The following KDM3A variants were observed in gnomAD, a reference collection of about 807,000 sequenced individuals.
The protein encoded by KDM3A is lysine-specific demethylase 3A.
A neutral mutation model predicts 158.0 loss-of-function variants in KDM3A; 60 were observed. The observed-to-expected ratio is 0.38, with a 90% CI of 0.31 to 0.47. The LOEUF is 0.47. Among genes scored for constraint, KDM3A ranks in the 20% least tolerant of loss-of-function variants. The pLI is 0.99. For synonymous variants in KDM3A, 608 were observed against 549.3 expected (o/e 1.11, Z -1.49); for missense variants, 1,319 against 1,574.3 (o/e 0.84, Z 2.74).
chr2:86,489,251 A>G, intron 21 of KDM3A, 67 bp from the exon 22 acceptor site: 2 of 1,542,078 alleles, frequency 1.3e-6, no homozygotes, highest in Non-Finnish European at 1.8e-6. Flanking sequence ...TCCCCCAGGT[A>G]GGTAGTGGAA....
chr2:86,455,733 C>T (rs2104641855), intron 5 of KDM3A, among the ~76,000 whole-genome samples: 1 of 151,794 alleles, frequency 6.6e-6, no homozygotes, highest in African/African-American at 2.4e-5. Context: ...ATTGCTTGAG[C>T]CTAGGATAGG....
chr2:86,463,919 T>C, intron 8 of KDM3A, 134 bp from the exon 9 acceptor site: 2 of 571,818 alleles, frequency 3.5e-6, no homozygotes, highest in Non-Finnish European at 5.7e-6. Context: ...CTTGTTTCAC[T>C]TTCCTGTTTC....
At chr2:86,476,588 G>T (rs972591574) in intron 12 of KDM3A, among the ~76,000 whole-genome samples, 4 of 152,128 alleles carry the variant, frequency 2.6e-5, no homozygotes, top group African/African-American at 9.7e-5. Context: ...AGCAGATCTC[G>T]ACTATTACTA....
intron 2 of KDM3A, among the ~76,000 whole-genome samples, chr2:86,449,091 TA>T (rs1683061169): frequency 6.6e-6 from 1 of 152,192 alleles, no homozygotes; most frequent in African/African-American, 2.4e-5. Flanking sequence ...TTAAAAGTAT[TA>T]TGCAGGTCAG....
At chr2:86,480,445 C>A in intron 16 of KDM3A, 83 bp downstream of exon 16, 1 of 1,214,488 alleles carries the variant, frequency 8.2e-7, no homozygotes, top group Non-Finnish European at 1.1e-6. Context: ...GGTTAGAAGT[C>A]GTGTGGAATG....
rs547723442 is a variant in KDM3A at position 86,477,902 on chromosome 2, C to T, written c.1965C>T (p.Val655=). ...GACAGGTTGCTTGGAAGCGAGCTGTCAAAGGTGTTCGAGAAATGTGTGATG... is the reference window on the plus strand; with the variant it reads ...GACAGGTTGCTTGGAAGCGAGCTGTTAAAGGTGTTCGAGAAATGTGTGATG... ...PHRQVAWKRA[V]KGVREMCDVC... is the part of the protein sequence containing the mutation. Residue 655 remains valine, a synonymous_variant, in exon 13 of 26, where the codon GTC becomes GTT. Transcript: ENST00000312912. 1.6e-5 allele frequency: 25 copies of T among 1,612,754 alleles called. No individual in the cohort carries two copies. Among genetic ancestry groups the T allele is most frequent in the African/African-American group, 8.0e-5 (6 of 74,966 alleles).
intron 2 of KDM3A, among the ~76,000 whole-genome samples, chr2:86,443,024 C>T (rs1262881683): frequency 1.3e-5 from 2 of 152,120 alleles, no homozygotes; most frequent in South Asian, 2.1e-4. Flanking sequence ...TGATTGTGCT[C>T]CCTAATAGAA....
intron 2 of KDM3A, among the ~76,000 whole-genome samples, chr2:86,447,234 A>C (rs1053044728): frequency 3.3e-5 from 5 of 152,060 alleles, no homozygotes; most frequent in African/African-American, 9.7e-5. Context: ...ATTTTTGGCT[A>C]ATACAGCATA....
Position 86,480,987 on chromosome 2 carries a change from T to G in KDM3A, c.2512+625T>G, listed in dbSNP as rs907886520. ...CTGAAGCATATAGAAACCAGCTCAT[T>G]TGAGCCGAAGTAAGACAATTAGCAA... On this transcript the variant is annotated intron_variant, in intron 16 of 25. Coordinates refer to ENST00000312912, the MANE Select transcript of KDM3A (RefSeq NM_018433.6). Among the ~76,000 whole-genome samples the G allele has an allele frequency of 3.3e-5, 5 of 152,164 alleles. No individual in the cohort carries two copies. In the East Asian group the frequency reaches 5.8e-4, roughly 18 times the overall value.
intron 10 of KDM3A, among the ~76,000 whole-genome samples, chr2:86,467,158 T>TG (rs1491247827): frequency 6.6e-6 from 1 of 152,142 alleles, no homozygotes; most frequent in Non-Finnish European, 1.5e-5. Flanking sequence ...TGTAGGTGTC[T>TG]ATTAGTATTT....
Position 86,489,066 on chromosome 2 carries a change from T to G in KDM3A, c.3314-252T>G, listed in dbSNP as rs1347842858. 3 of 395,664 alleles carry G rather than the reference T, an allele frequency of 7.6e-6. No individual in the cohort carries two copies. The Admixed American group carries it at 1.3e-4, about 17-fold the overall frequency. 24.5% of individuals were successfully genotyped at this position (395,664 alleles called of 1,614,324 possible). On this transcript the variant is annotated intron_variant, in intron 21 of 25. Coordinates refer to ENST00000312912, the MANE Select transcript of KDM3A (RefSeq NM_018433.6). ...AGCTCACTTGATCTAGCAGATGTCCTTTTGGCAAATCCCAGCTTCGGAAGC... is the reference window on the plus strand; with the variant it reads ...AGCTCACTTGATCTAGCAGATGTCCGTTTGGCAAATCCCAGCTTCGGAAGC...
intron 21 of KDM3A, 162 bp from the exon 22 acceptor site, chr2:86,489,155 GC>G (rs1674332758): frequency 1.4e-6 from 1 of 719,744 alleles, no homozygotes; most frequent in East Asian, 2.8e-5. Flanking sequence ...TTTCTTGCTA[GC>G]ACATCGATTG....
chr2:86,487,634 C>T (rs1319277388), intron 21 of KDM3A: 2 of 152,222 alleles, frequency 1.3e-5, no homozygotes, highest in Non-Finnish European at 1.5e-5. Flanking sequence ...GCCCATTTCC[C>T]TACTCTTCCC....
At chr2:86,457,932 G>A (rs1175432152) in intron 8 of KDM3A, among the ~76,000 whole-genome samples, 1 of 152,032 alleles carries the variant, frequency 6.6e-6, no homozygotes, top group Non-Finnish European at 1.5e-5. Context: ...TTCTCTTTTA[G>A]GTGAATTAAA....
chr2:86,471,076 T>C (rs889957839), intron 11 of KDM3A, among the ~76,000 whole-genome samples: 6 of 152,134 alleles, frequency 3.9e-5, no homozygotes, highest in African/African-American at 1.4e-4. Flanking sequence ...TGCCAAGTTA[T>C]CCTACAGGAA....
chr2:86,481,740 A>T (rs1673938786), intron 16 of KDM3A, among the ~76,000 whole-genome samples, 190 bp from the exon 17 acceptor site: 2 of 152,308 alleles, frequency 1.3e-5, no homozygotes, highest in African/African-American at 2.4e-5. Context: ...ATTGTACTGG[A>T]TAGTTATTGT....
chr2:86,439,836 G>A (rs1177631765), upstream of KDM3A, among the ~76,000 whole-genome samples: 1 of 151,926 alleles, frequency 6.6e-6, no homozygotes, highest in Admixed American at 6.6e-5. Context: ...ACTTTTAATT[G>A]TATTAATATT....
At chr2:86,444,028 C>T (rs1039894316) in intron 2 of KDM3A, among the ~76,000 whole-genome samples, 1 of 152,178 alleles carries the variant, frequency 6.6e-6, no homozygotes, top group Admixed American at 6.5e-5. Context: ...AGAGACTAGG[C>T]GTTCCCTTCC....
intron 11 of KDM3A, among the ~76,000 whole-genome samples, chr2:86,473,525 G>A (rs938432484): frequency 1.3e-5 from 2 of 152,054 alleles, no homozygotes; most frequent in African/African-American, 2.4e-5. Context: ...TGGGAGGATC[G>A]CTTGAGCCCA....
Sources: gnomAD v4.1 joint callset for allele counts (sites outside exome capture counted in the v4.1 genomes callset) on GRCh38, gnomAD v4.1.1 for gene constraint, MANE v1.5 for transcripts, NCBI Gene and HGNC (gene_info 2026-07-23, HGNC 2026-07-21) for gene names.